The following HS6ST3 variants were observed in gnomAD, a reference collection of about 807,000 sequenced individuals.
The protein encoded by HS6ST3 is heparan-sulfate 6-O-sulfotransferase 3.
In HS6ST3, 12 loss-of-function variants were observed where a neutral mutation model predicts 36.7. That is an observed-to-expected ratio of 0.33 (90% CI 0.21 to 0.53). The LOEUF (loss-of-function observed/expected upper bound fraction) is 0.53. HS6ST3 is among the 20% of genes least tolerant of loss of function. The pLI is 0.95. For synonymous variants in HS6ST3, 240 were observed against 257.5 expected, an observed-to-expected ratio of 0.93 and a Z score of 0.65; for missense variants, 584 against 640.9, an observed-to-expected ratio of 0.91 and a Z score of 0.96.
At chr13:96,360,159 T>C (rs1207528914) in intron 1 of HS6ST3, among the ~76,000 whole-genome samples, 2 of 152,002 alleles carry the variant, frequency 1.3e-5, no homozygotes, top group African/African-American at 4.8e-5. Context: ...CATTGAAGGA[T>C]GGGGTGCTGG....
At chr13:96,215,426 A>T (rs1161203195) in intron 1 of HS6ST3, among the ~76,000 whole-genome samples, 3 of 152,250 alleles carry the variant, frequency 2.0e-5, no homozygotes, top group Admixed American at 6.5e-5. Context: ...TATCCAACCT[A>T]TCATATAAAG....
intron 1 of HS6ST3, among the ~76,000 whole-genome samples, chr13:96,583,412 C>T (rs190032395): frequency 6.6e-6 from 1 of 151,750 alleles, no homozygotes; most frequent in Non-Finnish European, 1.5e-5. Flanking sequence ...CAGGGTTTCA[C>T]CATGTTGATC....
chr13:96,399,812 T>G (rs2055440346), intron 1 of HS6ST3, among the ~76,000 whole-genome samples: 1 of 152,270 alleles, frequency 6.6e-6, no homozygotes, highest in South Asian at 2.1e-4. Flanking sequence ...TAAGTTTATT[T>G]GTGTATTTAC....
At chr13:96,414,408 C>T (rs549868751) in intron 1 of HS6ST3, among the ~76,000 whole-genome samples, 107 of 152,300 alleles carry the variant, frequency 7.0e-4, no homozygotes, top group Non-Finnish European at 1.3e-3. Flanking sequence ...CAAAGAGGTA[C>T]ATTTACCCAA....
chr13:96,660,704 T>A (rs2056643261), intron 1 of HS6ST3, among the ~76,000 whole-genome samples: 3 of 152,136 alleles, frequency 2.0e-5, no homozygotes, highest in Admixed American at 2.0e-4. Flanking sequence ...AACCTTAAGA[T>A]AATAAATATT....
At chr13:96,732,850 A>C (rs1876195151) in intron 1 of HS6ST3, among the ~76,000 whole-genome samples, 1 of 151,734 alleles carries the variant, frequency 6.6e-6, no homozygotes, top group South Asian at 2.1e-4. Flanking sequence ...CAATGTAGAG[A>C]TCTTTCACCT....
rs574240817 is a variant in HS6ST3 at position 96,814,716 on chromosome 13, C to T, written c.708-17774C>T. Among the ~76,000 whole-genome samples, 9 of 152,098 alleles carry T rather than the reference C, an allele frequency of 5.9e-5. No individual in the cohort carries two copies. In the South Asian group the frequency reaches 1.9e-3, roughly 32 times the overall value. ...CATATTTTGCATGTCTTTCCCCTTC[C>T]CTTTCATATCTGACAAGTTGCCGGG... On this transcript the variant is annotated intron_variant, in intron 1 of 1. Coordinates refer to ENST00000376705, the MANE Select transcript of HS6ST3 (RefSeq NM_153456.4).
At chr13:96,214,833 C>T (rs926094230) in intron 1 of HS6ST3, among the ~76,000 whole-genome samples, 3 of 152,228 alleles carry the variant, frequency 2.0e-5, no homozygotes, top group Non-Finnish European at 2.9e-5. Flanking sequence ...ATCACTATAA[C>T]GTTAAGACCA....
Position 96,563,162 on chromosome 13 carries a change from A to T in HS6ST3, c.708-269328A>T, listed in dbSNP as rs149426075. ...ATCAAACCTTCTAATCATCTTACATAGGTATTTTAATAAAAAGAATCCATG... is the reference window on the plus strand; with the variant it reads ...ATCAAACCTTCTAATCATCTTACATTGGTATTTTAATAAAAAGAATCCATG... On this transcript the variant is annotated intron_variant, in intron 1 of 1. Transcript: ENST00000376705. Among the ~76,000 whole-genome samples, 535 of 152,266 alleles carry T rather than the reference A, an allele frequency of 3.5e-3. 1 individual carries two copies. The highest frequency in any genetic ancestry group is 0.012 in the African/African-American group (514 of 41,554).
intron 1 of HS6ST3, among the ~76,000 whole-genome samples, chr13:96,317,326 TTATATATATATATATATA>T (rs537839404): frequency 0.098 from 9,444 of 96,676 alleles, 616 homozygotes; most frequent in African/African-American, 0.17. Context: ...TAGTATTCCA[TTATATATATATATATATA>T]TATATATATA....
chr13:96,453,561 G>A (rs568464636), intron 1 of HS6ST3, among the ~76,000 whole-genome samples: 43 of 152,278 alleles, frequency 2.8e-4, no homozygotes, highest in African/African-American at 9.6e-4. Flanking sequence ...TAACCAGGCC[G>A]TGCCTCAATA....
intron 1 of HS6ST3, among the ~76,000 whole-genome samples, chr13:96,471,884 C>A (rs546337249): frequency 1.6e-4 from 24 of 152,246 alleles, no homozygotes; most frequent in African/African-American, 5.5e-4. Flanking sequence ...ATCTATTTTT[C>A]TTGTTCATGG....
At chr13:96,519,194 C>T (rs1157570312) in intron 1 of HS6ST3, among the ~76,000 whole-genome samples, 1 of 152,132 alleles carries the variant, frequency 6.6e-6, no homozygotes, top group East Asian at 1.9e-4. Context: ...GGGTCTACCG[C>T]AAGGTTAATG....
At chr13:96,229,741 A>T (rs1431491503) in intron 1 of HS6ST3, among the ~76,000 whole-genome samples, 1 of 152,224 alleles carries the variant, frequency 6.6e-6, no homozygotes, top group African/African-American at 2.4e-5. Context: ...AGAAGAGAAC[A>T]TAATTTCAGC....
chr13:96,180,713 C>T (rs1436359975), intron 1 of HS6ST3, among the ~76,000 whole-genome samples: 1 of 151,924 alleles, frequency 6.6e-6, no homozygotes, highest in Non-Finnish European at 1.5e-5. Context: ...TTCTATGAGG[C>T]AGGTACCTTT....
At chr13:96,500,481 T>C (rs115763779) in intron 1 of HS6ST3, among the ~76,000 whole-genome samples, 1,674 of 152,286 alleles carry the variant, frequency 0.011, 26 homozygotes, top group African/African-American at 0.033. Flanking sequence ...TTTCGTCTGC[T>C]ATGCTGAGAC....
At chr13:96,794,483 A>C (rs1877864142) in intron 1 of HS6ST3, among the ~76,000 whole-genome samples, 1 of 152,076 alleles carries the variant, frequency 6.6e-6, no homozygotes, top group South Asian at 2.1e-4. Context: ...CAAGTTTTTA[A>C]AATATGGATT....
intron 1 of HS6ST3, among the ~76,000 whole-genome samples, chr13:96,494,676 T>TACAC (rs139238999): frequency 6.7e-6 from 1 of 149,034 alleles, no homozygotes; most frequent in East Asian, 2.0e-4. Context: ...CACACACACA[T>TACAC]ACACACACAC....
At chr13:96,566,948 G>A (rs1022684739) in intron 1 of HS6ST3, among the ~76,000 whole-genome samples, 1 of 151,980 alleles carries the variant, frequency 6.6e-6, no homozygotes, top group Non-Finnish European at 1.5e-5. Flanking sequence ...AAAAAAACAG[G>A]AATTTCTCAT....
Sources: gnomAD v4.1 joint callset for allele counts (sites outside exome capture counted in the v4.1 genomes callset) on GRCh38, gnomAD v4.1.1 for gene constraint, MANE v1.5 for transcripts, NCBI Gene and HGNC (gene_info 2026-07-23, HGNC 2026-07-21) for gene names.